Variants in FHIP1A observed in about 807,000 individuals in gnomAD.
FHIP1A encodes FHF complex subunit HOOK-interacting protein 1A.
In FHIP1A, 61 loss-of-function variants were observed where a neutral mutation model predicts 88.6. The observed-to-expected ratio is 0.69, with a 90% CI of 0.56 to 0.85. FHIP1A has a LOEUF of 0.85. FHIP1A is among the 40% of genes least tolerant of loss of function. FHIP1A has a pLI of 0.00. For synonymous variants in FHIP1A, 478 were observed against 496.0 expected, an observed-to-expected ratio of 0.96 and a Z score of 0.48; for missense variants, 1,154 against 1,273.5, an observed-to-expected ratio of 0.91 and a Z score of 1.43.
At position 151,650,738 on chromosome 4, in the gene FHIP1A, G is replaced by T. The variant is rs1002277926; in HGVS notation, c.2551+146G>T. ...ATATTTTTGTAAAGATCAAAGAGGG[G>T]TGGCTTTATTTTTATTTTTCCATTC... On this transcript the variant is annotated intron_variant, in intron 11 of 13. Transcript: ENST00000435205. 1.1e-5 allele frequency: 12 copies of T among 1,070,056 alleles called. No homozygotes were observed. In the Admixed American group the frequency reaches 2.9e-4, roughly 26 times the overall value. The allele number at this position is 1,070,056 out of a possible 1,614,324, so 66.3% of individuals were successfully genotyped here.
intron 6 of FHIP1A, 112 bp downstream of exon 6, chr4:151,586,911 G>C: frequency 2.4e-6 from 2 of 826,382 alleles, no homozygotes; most frequent in Non-Finnish European, 3.5e-6. Flanking sequence ...AATGTTTATG[G>C]AATATTGGTG....
chr4:151,525,617 G>T (rs1256937783), intron 3 of FHIP1A, among the ~76,000 whole-genome samples: 3 of 152,146 alleles, frequency 2.0e-5, no homozygotes, highest in African/African-American at 7.2e-5. Context: ...TAACTGTTTT[G>T]AAATTTCATT....
At chr4:151,592,272 C>T (rs1410383289) in intron 7 of FHIP1A, among the ~76,000 whole-genome samples, 5 of 152,046 alleles carry the variant, frequency 3.3e-5, no homozygotes, top group African/African-American at 1.2e-4. Context: ...GTAGCTGGGA[C>T]CACAGGCGCC....
chr4:151,527,625 T>C (rs561300170), intron 3 of FHIP1A, among the ~76,000 whole-genome samples: 1 of 151,250 alleles, frequency 6.6e-6, no homozygotes, highest in South Asian at 2.1e-4. Flanking sequence ...GACTTTATTA[T>C]TGTTATTATT....
At chr4:151,556,095 A>G (rs1258437315) in intron 3 of FHIP1A, among the ~76,000 whole-genome samples, 1 of 152,108 alleles carries the variant, frequency 6.6e-6, no homozygotes, top group Admixed American at 6.6e-5. Context: ...ATACTCTCAT[A>G]TTTTAAGTGT....
chr4:151,554,573 G>A (rs1033545134), intron 3 of FHIP1A, among the ~76,000 whole-genome samples: 5 of 152,134 alleles, frequency 3.3e-5, no homozygotes, highest in Non-Finnish European at 7.3e-5. Context: ...ACTTTGTTCA[G>A]CGTAGTGTTT....
chr4:151,653,081 T>A (rs1301703421), intron 11 of FHIP1A, among the ~76,000 whole-genome samples: 1 of 152,172 alleles, frequency 6.6e-6, no homozygotes, highest in Non-Finnish European at 1.5e-5. Flanking sequence ...GCGCCAGTGC[T>A]TTTATCTAGT....
chr4:151,573,068 G>T (rs946712481), intron 4 of FHIP1A, among the ~76,000 whole-genome samples: 1 of 152,080 alleles, frequency 6.6e-6, no homozygotes, highest in Non-Finnish European at 1.5e-5. Context: ...AAAGAAATAC[G>T]CTATTTATTA....
rs1431902583 is a variant in FHIP1A at position 151,666,190 on chromosome 4, A to G, written c.*3436A>G. On this transcript the variant is annotated 3_prime_UTR_variant, in exon 14 of 14. Coordinates refer to ENST00000435205, the MANE Select transcript of FHIP1A (RefSeq NM_001109977.3). ...CACAAAGAAATTCCAACTTAGGTTC[A>G]GCCTAAAACATAATTTCATGGGTGG... 1.3e-5 allele frequency among the ~76,000 whole-genome samples: 2 copies of G among 152,272 alleles called. No homozygotes were observed. Among genetic ancestry groups the G allele is most frequent in the African/African-American group, 4.8e-5 (2 of 41,470 alleles).
intron 5 of FHIP1A, among the ~76,000 whole-genome samples, chr4:151,578,385 C>T (rs1176160496): frequency 1.3e-5 from 2 of 152,142 alleles, no homozygotes; most frequent in South Asian, 2.1e-4. Context: ...ATTGGTAAAA[C>T]CTGTGCTTTC....
In FHIP1A at chr4:151,667,951, T is replaced by A. The variant is rs945316448; in HGVS notation, c.*5197T>A. 2.0e-5 allele frequency among the ~76,000 whole-genome samples: 3 copies of A among 152,198 alleles called. No homozygotes were observed. Among genetic ancestry groups the A allele is most frequent in the South Asian group, 2.1e-4 (1 of 4,830 alleles). On this transcript the variant is annotated 3_prime_UTR_variant, in exon 14 of 14. Coordinates refer to ENST00000435205, the MANE Select transcript of FHIP1A (RefSeq NM_001109977.3). ...GAACGGAGGCTGCAGAAGTCTGTGC[T>A]GCTTAGTGTGTCAGCTGACTTTTTA...
At chr4:151,515,835 G>A (rs1560742089) in intron 3 of FHIP1A, among the ~76,000 whole-genome samples, 1 of 152,138 alleles carries the variant, frequency 6.6e-6, no homozygotes, top group Admixed American at 6.5e-5. Flanking sequence ...CCATACTCAT[G>A]GGTAGGAAGA....
chr4:151,459,870 G>T (rs1015738387), intron 2 of FHIP1A, among the ~76,000 whole-genome samples: 1 of 152,116 alleles, frequency 6.6e-6, no homozygotes, highest in Non-Finnish European at 1.5e-5. Context: ...CGGAGAGAGA[G>T]CAAGAATGAG....
chr4:151,565,569 T>C (rs1433837114), intron 3 of FHIP1A, among the ~76,000 whole-genome samples: 1 of 152,072 alleles, frequency 6.6e-6, no homozygotes, highest in Non-Finnish European at 1.5e-5. Flanking sequence ...CTGACAGCCA[T>C]TGATTTAAAA....
chr4:151,577,466 A>G lies in FHIP1A; in HGVS notation c.122A>G (p.Glu41Gly), dbSNP rs1173178301. ...NHWAQVVKIL[E>G]KHDPLKNTQA... ...TGGTTACAGGTTGTGAAAATCTTGG[A>G]GAAGCACGACCCCTTGAAGAACACC... Residue 41 changes from glutamate (E) to glycine (G), a missense_variant, in exon 5 of 14, where the codon GAG becomes GGG. Physicochemically the swap from Glu to Gly is moderately conservative, Grantham distance 98. Transcript: ENST00000435205. The G allele has an allele frequency of 2.0e-6, 3 of 1,533,122 alleles. No individual in the cohort carries two copies. The South Asian group carries it at 3.7e-5, about 19-fold the overall frequency. 95.0% of individuals were successfully genotyped at this position (1,533,122 alleles called of 1,614,324 possible).
At position 151,577,552 on chromosome 4, in the gene FHIP1A, C is replaced by T. The variant is rs535242527; in HGVS notation, c.208C>T (p.His70Tyr). The T allele has an allele frequency of 2.4e-5, 37 of 1,551,836 alleles. No individual in the cohort carries two copies. In the South Asian group the frequency reaches 4.2e-4, roughly 17 times the overall value. Reference protein sequence around the residue: ...EASAVQNYVEHMLFLLIEEQA... With the variant: ...EASAVQNYVEYMLFLLIEEQA... ...CAGTGCCGTGCAGAATTACGTAGAA[C>T]ACATGCTCTTCTTGTTGATTGAAGA... Residue 70 changes from histidine (H) to tyrosine (Y), a missense_variant, in exon 5 of 14, where the codon CAC (histidine) becomes TAC (tyrosine). His to Tyr is a moderately conservative substitution (Grantham distance 83). Transcript: ENST00000435205.
At position 151,650,011 on chromosome 4, in the gene FHIP1A, A is replaced by G; in HGVS notation, c.1970A>G (p.Lys657Arg). Reference sequence around the variant, plus strand: ...GCTGAGAAGGACTCCGAGGACATGAAGGATTCTCAGGAGGAAGCTGCTAGG... The same window carrying G: ...GCTGAGAAGGACTCCGAGGACATGAGGGATTCTCAGGAGGAAGCTGCTAGG... ...LCAEKDSEDM[K>R]DSQEEAARPP... is the part of the protein sequence containing the mutation. The change falls in exon 11 of 14, where the codon AAG becomes AGG. Residue 657 changes from lysine to arginine, a missense_variant. Coordinates refer to ENST00000435205, the MANE Select transcript of FHIP1A (RefSeq NM_001109977.3). 1 of 1,551,692 alleles carries G rather than the reference A, an allele frequency of 6.4e-7. No individual in the cohort carries two copies. Among genetic ancestry groups the G allele is most frequent in the South Asian group, 1.2e-5 (1 of 84,056 alleles).
In FHIP1A at chr4:151,483,876, T is replaced by C. The variant is rs1464362430; in HGVS notation, c.-123+1228T>C. ...CCACGTAGGACTTCTTATGAAGTTC[T>C]GTTTCTAATTAAGGTATTTCAGGAA... On this transcript the variant is annotated intron_variant, in intron 3 of 13. Transcript: ENST00000435205. Among the ~76,000 whole-genome samples the C allele has an allele frequency of 3.9e-5, 6 of 152,318 alleles. No homozygotes were observed. The Middle Eastern group carries it at 0.014, about 345-fold the overall frequency.
At chr4:151,654,376 C>A (rs1054873696) in intron 11 of FHIP1A, among the ~76,000 whole-genome samples, 2 of 152,066 alleles carry the variant, frequency 1.3e-5, no homozygotes, top group African/African-American at 4.8e-5. Flanking sequence ...CCCCCCTGGT[C>A]ACTGCATGGT....
Sources: allele counts gnomAD v4.1 joint callset (sites outside exome capture counted in the v4.1 genomes callset), GRCh38; gene constraint gnomAD v4.1.1; transcripts MANE v1.5; gene names NCBI Gene and HGNC (gene_info 2026-07-23, HGNC 2026-07-21).